STRIP1: variants seen among roughly 807,000 people sequenced by gnomAD.
STRIP1 encodes striatin interacting protein 1.
A neutral mutation model predicts 106.2 loss-of-function variants in STRIP1; 63 were observed. That is an observed-to-expected ratio of 0.59 (90% CI 0.48 to 0.73). STRIP1 has a LOEUF of 0.73. STRIP1 is among the 30% of genes least tolerant of loss of function. The probability of loss-of-function intolerance (pLI) is 0.00; values close to 1 mark genes in which losing one functional copy is unlikely to be tolerated. For synonymous variants in STRIP1, 390 were observed against 413.0 expected, an observed-to-expected ratio of 0.94 and a Z score of 0.67; for missense variants, 857 against 1,074.8, an observed-to-expected ratio of 0.80 and a Z score of 2.83.
Position 110,049,598 on chromosome 1 carries a change from T to A in STRIP1, c.1889+38T>A, listed in dbSNP as rs771541383. 1.2e-5 allele frequency: 18 copies of A among 1,457,604 alleles called. No homozygotes were observed. In the African/African-American group the frequency reaches 2.5e-4, roughly 20 times the overall value. The allele number at this position is 1,457,604 out of a possible 1,614,324, so 90.3% of individuals were successfully genotyped here. ...AGGGACCATGAAGGGGTGGATATGG[T>A]CAGACGGCAGAGTTCCCAGCTGGTA... On this transcript the variant is annotated intron_variant, in intron 17 of 20. Coordinates refer to ENST00000369795, the MANE Select transcript of STRIP1 (RefSeq NM_033088.4).
chr1:110,036,704 T>C (rs1410161185), intron 1 of STRIP1, among the ~76,000 whole-genome samples: 1 of 152,222 alleles, frequency 6.6e-6, no homozygotes, highest in Non-Finnish European at 1.5e-5. Context: ...ATCTTCAAAG[T>C]AGATTTTCAT....
At chr1:110,049,282 G>A (rs751606175) in intron 16 of STRIP1, 44 bp downstream of exon 16, 5 of 1,612,800 alleles carry the variant, frequency 3.1e-6, no homozygotes, top group African/African-American at 1.3e-5. Context: ...CTGGGGCCTC[G>A]GGCACTGCTG....
At chr1:110,037,695 C>T (rs372827024) in intron 1 of STRIP1, among the ~76,000 whole-genome samples, 196 bp from the exon 2 acceptor site, 1 of 152,060 alleles carries the variant, frequency 6.6e-6, no homozygotes, top group African/African-American at 2.4e-5. Flanking sequence ...GTAAACACAT[C>T]CTATAATGAT....
intron 17 of STRIP1, chr1:110,049,973 C>T: frequency 3.0e-6 from 1 of 336,838 alleles, no homozygotes; most frequent in Admixed American, 4.6e-5. Context: ...ACATTACTTG[C>T]TCGTCAGTGT....
At chr1:110,034,533 G>C, upstream of STRIP1, 4 of 1,363,598 alleles carry the variant, frequency 2.9e-6, no homozygotes, top group South Asian at 3.2e-5. Flanking sequence ...AACACTGGCC[G>C]CCACACTTAA....
intron 1 of STRIP1, 93 bp downstream of exon 1, chr1:110,034,910 C>T (rs1039680419): frequency 1.4e-4 from 176 of 1,243,874 alleles, no homozygotes; most frequent in Admixed American, 4.0e-5. Context: ...TTGGGCTTCC[C>T]GGAGGGCTCG....
At position 110,034,805 on chromosome 1, in the gene STRIP1, C is replaced by G. The variant is rs2101761134; in HGVS notation, c.168C>G (p.Arg56=). 7.1e-7 allele frequency: 1 copy of G among 1,416,310 alleles called. No individual in the cohort carries two copies. Among genetic ancestry groups the G allele is most frequent in the East Asian group, 3.0e-5 (1 of 33,438 alleles). The allele number at this position is 1,416,310 out of a possible 1,614,324, so 87.7% of individuals were successfully genotyped here. The change falls in exon 1 of 21, where the codon CGC becomes CGG. Residue 56 remains arginine (R), a synonymous_variant. Coordinates refer to ENST00000369795, the MANE Select transcript of STRIP1 (RefSeq NM_033088.4). ...CCCGCGAGTTCAACCGCAACCAGCG[C>G]AAAGACTCAGAGGTCAGGAGCTTCG... ...GKAREFNRNQ[R]KDSEGYSESP...
chr1:110,039,100 T>C, intron 3 of STRIP1, 72 bp from the exon 4 acceptor site: 1 of 1,565,576 alleles, frequency 6.4e-7, no homozygotes, highest in Non-Finnish European at 8.7e-7. Context: ...CTGAATTTGG[T>C]GAGTTAACAT....
rs771550765 is a variant in STRIP1 at position 110,051,722 on chromosome 1, G to T, written c.2101G>T (p.Ala701Ser). ...VFKSAPILKR[A>S]LKVKQAMMQL... is the part of the protein sequence containing the mutation. Reference sequence around the variant, plus strand: ...CAAGTCAGCCCCCATCTTGAAGCGGGCCCTAAAGGTGAAACAAGCCATGAT... The same window carrying T: ...CAAGTCAGCCCCCATCTTGAAGCGGTCCCTAAAGGTGAAACAAGCCATGAT... The change falls in exon 20 of 21, where the codon GCC (alanine) becomes TCC (serine). Residue 701 changes from alanine (A) to serine (S), a missense_variant. Ala to Ser is a moderately conservative substitution (Grantham distance 99). Transcript: ENST00000369795. 7 of 1,612,220 alleles carry T rather than the reference G, an allele frequency of 4.3e-6. No homozygotes were observed. In the South Asian group the frequency reaches 5.5e-5, roughly 13 times the overall value.
At chr1:110,048,784 A>G (rs1237168333) in intron 15 of STRIP1, among the ~76,000 whole-genome samples, 1 of 152,256 alleles carries the variant, frequency 6.6e-6, no homozygotes, top group East Asian at 1.9e-4. Context: ...GGTATTCCAC[A>G]GAACACATTT....
intron 5 of STRIP1, 100 bp from the exon 6 acceptor site, chr1:110,040,535 C>G: frequency 8.7e-7 from 1 of 1,143,720 alleles, no homozygotes; most frequent in South Asian, 1.5e-5. Flanking sequence ...AGTCCAAGCA[C>G]GTATCACAGC....
Position 110,051,833 on chromosome 1 carries a change from G to A in STRIP1, c.2212G>A (p.Ala738Thr). The change falls in exon 20 of 21, where the codon GCC (alanine) becomes ACC (threonine). Residue 738 changes from alanine to threonine, a missense_variant. By Grantham distance (58) the Ala-to-Thr change is moderately conservative. This residue lies in a region of STRIP1 where 750 missense variants were observed against 989.8 expected (regional missense o/e 0.76). Transcript: ENST00000369795. ...AAAGAGCAACATGAAGACCATGTCTGCCATCTACCAGAAGGTGCGGCATCG... is the reference window on the plus strand; with the variant it reads ...AAAGAGCAACATGAAGACCATGTCTACCATCTACCAGAAGGTGCGGCATCG... Reference protein sequence around the residue: ...WRKSNMKTMSAIYQKVRHRLN... With the variant: ...WRKSNMKTMSTIYQKVRHRLN... The A allele has an allele frequency of 6.2e-7, 1 of 1,613,418 alleles. No individual in the cohort carries two copies. The highest frequency in any genetic ancestry group is 2.2e-5 in the East Asian group (1 of 44,886).
chr1:110,041,986 T>A, intron 8 of STRIP1, 125 bp downstream of exon 8: 2 of 1,156,162 alleles, frequency 1.7e-6, no homozygotes, highest in Non-Finnish European at 2.4e-6. Context: ...AAAAATTATT[T>A]AAAAAGCTGC....
rs1225499021 is a variant in STRIP1 at position 110,053,860 on chromosome 1, TAGAA to T, written c.2465_2468del (p.Glu822GlyfsTer20). On this transcript the variant is annotated frameshift_variant, in exon 21 of 21. Coordinates refer to ENST00000369795, the MANE Select transcript of STRIP1 (RefSeq NM_033088.4). LOFTEE classifies it high-confidence loss of function. ...TTTCAGATGAACTATGACCTCTGGTTAGAAAGGGAGGTCTTCTCCAAGCCCATTT... is the reference window on the plus strand; with the variant it reads ...TTTCAGATGAACTATGACCTCTGGTTAGGGAGGTCTTCTCCAAGCCCATTT... 1 of 1,614,012 alleles carries T rather than the reference TAGAA, an allele frequency of 6.2e-7. No homozygotes were observed. The highest frequency in any genetic ancestry group is 1.3e-5 in the African/African-American group (1 of 74,912).
At chr1:110,043,041 C>G in intron 8 of STRIP1, 47 bp from the exon 9 acceptor site, 2 of 1,551,118 alleles carry the variant, frequency 1.3e-6, no homozygotes, top group African/African-American at 1.4e-5. Context: ...CAGGGGCCAG[C>G]CTGTGGACAC....
chr1:110,052,644 A>AT (rs1291965809), intron 20 of STRIP1, among the ~76,000 whole-genome samples: 2 of 151,662 alleles, frequency 1.3e-5, no homozygotes, highest in Non-Finnish European at 2.9e-5. Flanking sequence ...TAATTTTTGT[A>AT]TTTTTTGTAG....
chr1:110,054,201 A>C lies in STRIP1; in HGVS notation c.*289A>C. On this transcript the variant is annotated 3_prime_UTR_variant, in exon 21 of 21. Transcript: ENST00000369795. ...TTTGGCTCATTTCACAATCAGCCCA[A>C]GGCTGGGAAAGCTGGAATGGGATGG... The C allele has an allele frequency of 2.6e-6, 1 of 382,748 alleles. No individual in the cohort carries two copies. The highest frequency in any genetic ancestry group is 4.9e-6 in the Non-Finnish European group (1 of 205,744). The allele number at this position is 382,748 out of a possible 1,614,324, so 23.7% of individuals were successfully genotyped here. A position where few individuals can be genotyped will look rare whatever the true frequency, so the allele number is the denominator to read the frequency against.
intron 3 of STRIP1, 87 bp downstream of exon 3, chr1:110,038,844 C>A: frequency 4.9e-6 from 6 of 1,214,302 alleles, no homozygotes; most frequent in South Asian, 3.9e-5. Flanking sequence ...TGACCTGAGT[C>A]ATCCTGGAAC....
upstream of STRIP1, chr1:110,034,539 C>A: frequency 7.2e-7 from 1 of 1,384,644 alleles, no homozygotes; most frequent in South Asian, 1.6e-5. Context: ...GGCCGCCACA[C>A]TTAATATGGC....
Sources: gnomAD v4.1 joint callset for allele counts (sites outside exome capture counted in the v4.1 genomes callset) on GRCh38, gnomAD v4.1.1 for gene constraint, gnomAD v4.1.1 regional missense constraint, MANE v1.5 for transcripts, NCBI Gene and HGNC (gene_info 2026-07-23, HGNC 2026-07-21) for gene names.